ROBO2: variants seen among roughly 807,000 people sequenced by gnomAD.
ROBO2 encodes the protein roundabout homolog 2.
A neutral mutation model predicts 160.8 loss-of-function variants in ROBO2; 53 were observed. The observed-to-expected ratio is 0.33, with a 90% CI of 0.26 to 0.41. The LOEUF is 0.41. ROBO2 is among the 10% of genes least tolerant of loss of function. The probability of loss-of-function intolerance (pLI) is 1.00; values close to 1 mark genes in which losing one functional copy is unlikely to be tolerated. For synonymous variants in ROBO2, 664 were observed against 611.7 expected, an observed-to-expected ratio of 1.09 and a Z score of -1.26; for missense variants, 1,577 against 1,722.4, an observed-to-expected ratio of 0.92 and a Z score of 1.49.
At chr3:77,289,432 C>A (rs1334870549) in intron 2 of ROBO2, among the ~76,000 whole-genome samples, 7 of 134,102 alleles carry the variant, frequency 5.2e-5, no homozygotes, top group Non-Finnish European at 8.0e-5. Flanking sequence ...CTAGATCACC[C>A]CAGAAATTAA....
In ROBO2 at chr3:76,105,436, A is replaced by C. The variant is rs147095168; in HGVS notation, c.109+167834A>C. On this transcript the variant is annotated intron_variant, in intron 2 of 26. Coordinates refer to the ROBO2 transcript ENST00000487694. The stretch of plus-strand genomic sequence containing the variant: ...TTCTGTTTAGCCTGAGGCTTGTAGC[A>C]TATTATTCTCAAGCATATCCATGCT... Among the ~76,000 whole-genome samples the C allele has an allele frequency of 5.4e-3, 821 of 152,268 alleles. 11 individuals carry two copies. The highest frequency in any genetic ancestry group is 0.019 in the African/African-American group (794 of 41,552).
chr3:75,936,692 A>G (rs1459429518), intron 1 of ROBO2, among the ~76,000 whole-genome samples: 2 of 152,014 alleles, frequency 1.3e-5, no homozygotes, highest in African/African-American at 4.8e-5. Flanking sequence ...AGTACATGCA[A>G]CTCAAGTTTA....
intron 2 of ROBO2, among the ~76,000 whole-genome samples, chr3:77,362,076 T>C (rs2070099445): frequency 6.6e-6 from 1 of 152,136 alleles, no homozygotes; most frequent in Admixed American, 6.6e-5. Flanking sequence ...AAGGATGACA[T>C]TCATACATAT....
intron 5 of ROBO2, among the ~76,000 whole-genome samples, chr3:77,507,223 GA>G (rs1235465253): frequency 6.6e-6 from 1 of 152,146 alleles, no homozygotes; most frequent in Non-Finnish European, 1.5e-5. Flanking sequence ...CACATTTCAA[GA>G]GGAAGTTTCT....
chr3:76,745,788 A>T (rs192511738), intron 2 of ROBO2, among the ~76,000 whole-genome samples: 2,194 of 140,604 alleles, frequency 0.016, 23 homozygotes, highest in African/African-American at 0.041. Flanking sequence ...TAATTTTTTT[A>T]AAAAATTTAT....
At chr3:76,561,587 A>T (rs1456755111) in intron 2 of ROBO2, among the ~76,000 whole-genome samples, 3 of 152,194 alleles carry the variant, frequency 2.0e-5, no homozygotes, top group Admixed American at 2.0e-4. Flanking sequence ...TGGCATCAAA[A>T]GGCAAAGATA....
At chr3:75,955,770 C>T (rs1006482891) in intron 2 of ROBO2, among the ~76,000 whole-genome samples, 9 of 151,490 alleles carry the variant, frequency 5.9e-5, no homozygotes, top group East Asian at 2.0e-4. Context: ...AGTTAGATGT[C>T]GTGGTGTGGG....
intron 2 of ROBO2, among the ~76,000 whole-genome samples, chr3:76,647,038 T>C (rs2091004579): frequency 6.6e-6 from 1 of 152,060 alleles, no homozygotes; most frequent in South Asian, 2.1e-4. Context: ...TGCCTAGGAC[T>C]AGAGACTCTG....
intron 2 of ROBO2, among the ~76,000 whole-genome samples, chr3:77,435,773 G>A (rs1170824109): frequency 2.0e-5 from 3 of 151,740 alleles, no homozygotes; most frequent in Non-Finnish European, 4.4e-5. Context: ...GACAAAGGTC[G>A]TGAAAGAAAC....
intron 3 of ROBO2, 117 bp from the exon 4 acceptor site, chr3:77,480,981 GT>G: frequency 1.1e-6 from 1 of 907,398 alleles, no homozygotes; most frequent in Non-Finnish European, 1.7e-6. Flanking sequence ...TAATGGGAGA[GT>G]TTTTTCCTTT....
At chr3:76,546,545 A>C (rs2083111984) in intron 2 of ROBO2, among the ~76,000 whole-genome samples, 1 of 151,932 alleles carries the variant, frequency 6.6e-6, no homozygotes, top group African/African-American at 2.4e-5. Context: ...TTAGGGAAGA[A>C]GAGGAAGAAG....
chr3:75,957,225 AACAC>A (rs1364604400), intron 2 of ROBO2, among the ~76,000 whole-genome samples: 1 of 122,196 alleles, frequency 8.2e-6, no homozygotes, highest in African/African-American at 2.8e-5. Context: ...ACACACACAA[AACAC>A]ACACGCACAC....
intron 2 of ROBO2, among the ~76,000 whole-genome samples, chr3:76,245,823 C>A (rs62268387): frequency 0.12 from 18,734 of 152,102 alleles, 1,809 homozygotes; most frequent in East Asian, 0.41. Context: ...TGGGCACAGA[C>A]AAGTCATACT....
intron 2 of ROBO2, among the ~76,000 whole-genome samples, chr3:76,618,431 A>C (rs2088771595): frequency 1.3e-5 from 2 of 150,478 alleles, no homozygotes; most frequent in African/African-American, 4.9e-5. Flanking sequence ...GGACATAGGA[A>C]ATAGGATATA....
In ROBO2 at chr3:76,406,059, T is replaced by C. The variant is rs538848522; in HGVS notation, c.109+468457T>C. The stretch of plus-strand genomic sequence containing the variant: ...ATGAATTTTTAACATAAAAATTACA[T>C]AAACCAAGAATTATATTTATTACAC... On this transcript the variant is annotated intron_variant, in intron 2 of 26. Transcript: ENST00000487694. Among the ~76,000 whole-genome samples, 47 of 151,892 alleles carry C rather than the reference T, an allele frequency of 3.1e-4. 1 individual carries two copies. The highest frequency in any genetic ancestry group is 1.1e-3 in the African/African-American group (46 of 41,524).
At chr3:76,527,567 A>T in intron 2 of ROBO2, among the ~76,000 whole-genome samples, 1 of 152,236 alleles carries the variant, frequency 6.6e-6, no homozygotes, top group South Asian at 2.1e-4. Context: ...CTCATTATAT[A>T]AACACAAGCT....
At chr3:77,282,149 A>T (rs1339873977) in intron 2 of ROBO2, among the ~76,000 whole-genome samples, 1 of 151,848 alleles carries the variant, frequency 6.6e-6, no homozygotes, top group African/African-American at 2.4e-5. Flanking sequence ...ATAATCAACC[A>T]TTTTTTTCTA....
intron 2 of ROBO2, among the ~76,000 whole-genome samples, chr3:77,022,597 G>A (rs1021699953): frequency 1.3e-5 from 2 of 152,054 alleles, no homozygotes; most frequent in East Asian, 1.9e-4. Flanking sequence ...CTAGGTCTTT[G>A]AGTCTTTATT....
intron 2 of ROBO2, among the ~76,000 whole-genome samples, chr3:77,420,193 A>G (rs2077587735): frequency 6.6e-6 from 1 of 152,126 alleles, no homozygotes; most frequent in Non-Finnish European, 1.5e-5. Context: ...CAGTGGTTCC[A>G]TGAATTTTCA....
Sources: gnomAD v4.1 joint callset for allele counts (sites outside exome capture counted in the v4.1 genomes callset) on GRCh38, gnomAD v4.1.1 for gene constraint, MANE v1.5 for transcripts, NCBI Gene and HGNC (gene_info 2026-07-23, HGNC 2026-07-21) for gene names.